Variants in SH3PXD2B observed in about 807,000 individuals in gnomAD.
The protein encoded by SH3PXD2B is SH3 and PX domains 2B, also known as SH3 and PX domain-containing protein 2B.
Under a neutral mutation model 73.1 loss-of-function variants are expected in SH3PXD2B, and 37 were observed. That is an observed-to-expected ratio of 0.51 (90% CI 0.39 to 0.67). The LOEUF (loss-of-function observed/expected upper bound fraction) is 0.67, where lower values mean the gene tolerates loss of function less well. SH3PXD2B is among the 30% of genes least tolerant of loss of function. The pLI, the probability that SH3PXD2B is intolerant of heterozygous loss-of-function variation, is 0.00. For synonymous variants in SH3PXD2B, 457 were observed against 480.5 expected (o/e 0.95, Z 0.64); for missense variants, 1,053 against 1,197.8 (o/e 0.88, Z 1.78).
In SH3PXD2B at chr5:172,339,460, G is replaced by C; in HGVS notation, c.1645C>G (p.Leu549Val). 3 of 1,613,958 alleles carry C rather than the reference G, an allele frequency of 1.9e-6. No homozygotes were observed. The highest frequency in any genetic ancestry group is 2.5e-6 in the Non-Finnish European group (3 of 1,179,940). Residue 549 changes from leucine (L) to valine (V), a missense_variant, in exon 13 of 13, where the codon CTC (leucine) becomes GTC (valine). This residue lies in a region of SH3PXD2B where 587 missense variants were observed against 590.7 expected (regional missense o/e 0.99). Transcript: ENST00000311601. This position sits in a 1 kb window ranked among gnomAD's most constrained non-coding sequence, Gnocchi z 6.1. ...GGAGGCTTGGGAGTGGGGCCCCGGAGCTGCTCCGTCCTCTGCCGCTCCCGC... is the reference window on the plus strand; with the variant it reads ...GGAGGCTTGGGAGTGGGGCCCCGGACCTGCTCCGTCCTCTGCCGCTCCCGC... The part of the protein sequence containing the change: ...RERERQRTEQ[L>V]RGPTPKPPGV...
intron 8 of SH3PXD2B, among the ~76,000 whole-genome samples, chr5:172,357,462 G>A (rs1757306957): frequency 2.6e-5 from 4 of 151,988 alleles, no homozygotes; most frequent in Admixed American, 2.6e-4. Flanking sequence ...GTCGAGGGAA[G>A]AAAATAAATG....
chr5:172,410,060 G>A (rs554677605), intron 2 of SH3PXD2B, among the ~76,000 whole-genome samples: 92 of 152,274 alleles, frequency 6.0e-4, no homozygotes, highest in African/African-American at 2.2e-3. Flanking sequence ...TGGGTACTTA[G>A]GCTGATTCCA....
intron 12 of SH3PXD2B, among the ~76,000 whole-genome samples, chr5:172,344,356 G>A (rs2113269310): frequency 6.6e-6 from 1 of 152,264 alleles, no homozygotes; most frequent in Middle Eastern, 3.4e-3. Context: ...GGGAGGCCGA[G>A]GTGGGCAGAT....
intron 1 of SH3PXD2B, among the ~76,000 whole-genome samples, chr5:172,439,840 CGACTG>C (rs1759511476): frequency 2.5e-5 from 1 of 39,616 alleles, no homozygotes; most frequent in African/African-American, 1.6e-4. Context: ...CTCTTGCCGA[CGACTG>C]AGACACTGGG....
intron 10 of SH3PXD2B, among the ~76,000 whole-genome samples, chr5:172,348,654 C>CTATCCTATCTATCTATCTATCTAT (rs1440672001): frequency 1.7e-5 from 1 of 60,398 alleles, no homozygotes; most frequent in African/African-American, 6.3e-5. Context: ...ATCTATCTAT[C>CTATCCTATCTATCTATCTATCTAT]CTATCTATCT....
intron 2 of SH3PXD2B, among the ~76,000 whole-genome samples, chr5:172,417,369 G>A (rs1758849708): frequency 6.6e-6 from 1 of 152,144 alleles, no homozygotes. Context: ...GCCACCAGCT[G>A]GACATCAACT....
At position 172,333,997 on chromosome 5, in the gene SH3PXD2B, C is replaced by CT. The variant is rs1182100198; in HGVS notation, c.*4371dup. The CT allele has an allele frequency of 4.2e-6, 5 of 1,193,684 alleles. No homozygotes were observed. Among genetic ancestry groups the CT allele is most frequent in the Non-Finnish European group, 5.3e-6 (5 of 949,360 alleles). 73.9% of individuals were successfully genotyped at this position (1,193,684 alleles called of 1,614,324 possible). ...GATGTAAGCCTGGTGGGGGCACCTT[C>CT]TTTTTTACATGAATAGGACATCTAA... is the stretch of plus-strand genomic sequence containing the variant. On this transcript the variant is annotated 3_prime_UTR_variant, in exon 13 of 13. Transcript: ENST00000311601.
Position 172,336,573 on chromosome 5 carries a change from C to G in SH3PXD2B, c.*1796G>C, listed in dbSNP as rs1756697849. On this transcript the variant is annotated 3_prime_UTR_variant, in exon 13 of 13. Transcript: ENST00000311601. ...GGAGGCGCGGCAGAAGAGGGCTGTT[C>G]AAGCAAAACTTTGGCACTGCAGGTA... 1 of 985,906 alleles carries G rather than the reference C, an allele frequency of 1.0e-6. No individual in the cohort carries two copies. The highest frequency in any genetic ancestry group is 1.2e-6 in the Non-Finnish European group (1 of 830,068). The allele number at this position is 985,906 out of a possible 1,614,324, so 61.1% of individuals were successfully genotyped here.
intron 2 of SH3PXD2B, among the ~76,000 whole-genome samples, chr5:172,409,634 G>A (rs965246372): frequency 6.6e-6 from 1 of 152,132 alleles, no homozygotes; most frequent in Non-Finnish European, 1.5e-5. Context: ...CTATGTTGCT[G>A]CAAATGACAG....
At chr5:172,393,391 T>C (rs1758230820) in intron 4 of SH3PXD2B, among the ~76,000 whole-genome samples, 1 of 152,246 alleles carries the variant, frequency 6.6e-6, no homozygotes, top group Admixed American at 6.5e-5. Context: ...TTGTTTTCTG[T>C]ATATTGAGCT....
intron 12 of SH3PXD2B, among the ~76,000 whole-genome samples, chr5:172,327,112 G>A (rs1050823821): frequency 6.6e-6 from 1 of 151,992 alleles, no homozygotes; most frequent in African/African-American, 2.4e-5. Flanking sequence ...CGCCCGCCAC[G>A]GCCTCCCAAA....
chr5:172,441,434 G>C (rs908135981), intron 1 of SH3PXD2B, among the ~76,000 whole-genome samples: 2 of 152,250 alleles, frequency 1.3e-5, no homozygotes, highest in Non-Finnish European at 2.9e-5. Flanking sequence ...CGTTGCCTTA[G>C]AATCATGGGA....
chr5:172,410,062 C>T (rs1239046178), intron 2 of SH3PXD2B, among the ~76,000 whole-genome samples: 1 of 152,234 alleles, frequency 6.6e-6, no homozygotes, highest in African/African-American at 2.4e-5. Flanking sequence ...GGTACTTAGG[C>T]TGATTCCACA....
At chr5:172,412,639 G>C (rs1256779915) in intron 2 of SH3PXD2B, among the ~76,000 whole-genome samples, 2 of 152,130 alleles carry the variant, frequency 1.3e-5, no homozygotes, top group Non-Finnish European at 2.9e-5. Context: ...GTGTGTCCAG[G>C]TTTACGGCCA....
chr5:172,399,311 G>A (rs1037364499), intron 3 of SH3PXD2B, among the ~76,000 whole-genome samples: 11 of 152,124 alleles, frequency 7.2e-5, no homozygotes, highest in Non-Finnish European at 1.5e-4. Context: ...TGTAAATGCT[G>A]GTTATGTAGG....
intron 3 of SH3PXD2B, among the ~76,000 whole-genome samples, chr5:172,400,169 G>A (rs900263507): frequency 3.3e-5 from 5 of 152,140 alleles, no homozygotes; most frequent in Non-Finnish European, 5.9e-5. Context: ...ATGAAAGGGG[G>A]AGTACTGGGA....
chr5:172,365,375 G>T (rs752712217), intron 6 of SH3PXD2B, among the ~76,000 whole-genome samples: 1 of 152,194 alleles, frequency 6.6e-6, no homozygotes, highest in South Asian at 2.1e-4. Flanking sequence ...CACACAGCTG[G>T]CTATGGACAA....
intron 6 of SH3PXD2B, among the ~76,000 whole-genome samples, chr5:172,364,176 A>G (rs1757458460): frequency 6.6e-6 from 1 of 152,170 alleles, no homozygotes; most frequent in Admixed American, 6.5e-5. Context: ...AGGACATCTG[A>G]GTTCAGAGAC....
exon 13 of SH3PXD2B, chr5:172,325,330 T>G: frequency 6.5e-7 from 1 of 1,535,608 alleles, no homozygotes; most frequent in Admixed American, 2.0e-5. Flanking sequence ...GCATCTTGAT[T>G]CTTCTAAGAG....
Sources: gnomAD v4.1 joint callset for allele counts (sites outside exome capture counted in the v4.1 genomes callset) on GRCh38, gnomAD v4.1.1 for gene constraint, gnomAD v4.1.1 regional missense constraint, Gnocchi (gnomAD v3.1) non-coding constraint, MANE v1.5 for transcripts, NCBI Gene and HGNC (gene_info 2026-07-23, HGNC 2026-07-21) for gene names.